The following BNC2 variants were observed in gnomAD, a reference collection of about 807,000 sequenced individuals.
The protein encoded by BNC2 is zinc finger protein basonuclin-2.
BNC2 carries 20 observed loss-of-function variants against 76.3 expected under a neutral mutation model. That is an observed-to-expected ratio of 0.26 (90% CI 0.18 to 0.38). The LOEUF (loss-of-function observed/expected upper bound fraction) is 0.38. Among genes scored for constraint, BNC2 ranks in the 10% least tolerant of loss-of-function variants. BNC2 has a pLI of 1.00. For synonymous variants in BNC2, 582 were observed against 514.8 expected (o/e 1.13, Z -1.77); for missense variants, 1,382 against 1,399.8 (o/e 0.99, Z 0.20).
chr9:16,631,535 G>C (rs1167447518), intron 3 of BNC2, among the ~76,000 whole-genome samples: 1 of 152,172 alleles, frequency 6.6e-6, no homozygotes, highest in African/African-American at 2.4e-5. Context: ...AAGGGACTTA[G>C]AATCACAGCC....
intron 1 of BNC2, among the ~76,000 whole-genome samples, chr9:16,784,349 A>C (rs1826225805): frequency 6.6e-6 from 1 of 152,180 alleles, no homozygotes; most frequent in South Asian, 2.1e-4. Context: ...ACCACTACTA[A>C]AAGTAAATAA....
chr9:16,586,514 T>G (rs1319426572), intron 3 of BNC2, among the ~76,000 whole-genome samples: 1 of 152,208 alleles, frequency 6.6e-6, no homozygotes, highest in Non-Finnish European at 1.5e-5. Flanking sequence ...CCTCCCAGAC[T>G]GTGATGCAGC....
At chr9:16,562,262 C>T (rs1252299079) in intron 4 of BNC2, among the ~76,000 whole-genome samples, 3 of 152,176 alleles carry the variant, frequency 2.0e-5, no homozygotes, top group African/African-American at 7.2e-5. Flanking sequence ...GGTCTCCCTC[C>T]TCGAACCCCA....
chr9:16,485,668 T>G (rs1822149175), intron 5 of BNC2, among the ~76,000 whole-genome samples: 1 of 151,970 alleles, frequency 6.6e-6, no homozygotes, highest in Non-Finnish European at 1.5e-5. Flanking sequence ...AAAAGATTTT[T>G]AAAAACAGAG....
chr9:16,731,166 G>A (rs959888277), intron 2 of BNC2, among the ~76,000 whole-genome samples: 1 of 152,040 alleles, frequency 6.6e-6, no homozygotes, highest in Non-Finnish European at 1.5e-5. Context: ...TTTTTCACTG[G>A]CTACATAGTC....
At chr9:16,475,222 T>C (rs1821903535) in intron 5 of BNC2, among the ~76,000 whole-genome samples, 1 of 152,222 alleles carries the variant, frequency 6.6e-6, no homozygotes, top group African/African-American at 2.4e-5. Flanking sequence ...GCCTATATAA[T>C]AGATGATCTT....
At chr9:16,732,640 G>C (rs1308482205) in intron 2 of BNC2, among the ~76,000 whole-genome samples, 2 of 152,186 alleles carry the variant, frequency 1.3e-5, no homozygotes, top group Non-Finnish European at 2.9e-5. Context: ...AATCTGTAAT[G>C]TGCTCTGCCT....
At position 16,419,400 on chromosome 9, in the gene BNC2, G is replaced by A. The variant is rs1274619453; in HGVS notation, c.2889C>T (p.Ser963=). The change falls in exon 7 of 7, where the codon AGC becomes AGT. Residue 963 remains serine (S), a synonymous_variant. Coordinates refer to ENST00000380672, the MANE Select transcript of BNC2 (RefSeq NM_017637.6). ...MAEDYMVLDL[S]TTSSLQSSSS... is the part of the protein sequence containing the mutation. ...TGCTGGACTGGAGGCTGGAGGTGGTGCTCAAGTCAAGGACCATGTAGTCCT... is the reference window on the plus strand; with the variant it reads ...TGCTGGACTGGAGGCTGGAGGTGGTACTCAAGTCAAGGACCATGTAGTCCT... 1 of 1,600,988 alleles carries A rather than the reference G, an allele frequency of 6.2e-7. No individual in the cohort carries two copies. The highest frequency in any genetic ancestry group is 8.5e-7 in the Non-Finnish European group (1 of 1,172,938).
At chr9:16,435,289 T>C (rs1223497505) in intron 6 of BNC2, among the ~76,000 whole-genome samples, 2 of 152,102 alleles carry the variant, frequency 1.3e-5, no homozygotes, top group African/African-American at 4.8e-5. Flanking sequence ...TGAAAACACA[T>C]ACACACACGT....
intron 3 of BNC2, among the ~76,000 whole-genome samples, chr9:16,653,213 C>T (rs1563881458): frequency 6.6e-6 from 1 of 152,042 alleles, no homozygotes; most frequent in Non-Finnish European, 1.5e-5. Flanking sequence ...TGTTAAACAA[C>T]TTTTAAAATA....
chr9:16,520,642 C>G (rs1488551056), intron 5 of BNC2, among the ~76,000 whole-genome samples: 1 of 151,982 alleles, frequency 6.6e-6, no homozygotes, highest in Admixed American at 6.6e-5. Context: ...CTCCTTTCAT[C>G]CCAGCAGCCC....
At chr9:16,722,927 C>A (rs890194774) in intron 3 of BNC2, among the ~76,000 whole-genome samples, 2 of 152,102 alleles carry the variant, frequency 1.3e-5, no homozygotes, top group African/African-American at 4.8e-5. Flanking sequence ...TGTATCTTAA[C>A]AAATACAAAT....
At chr9:16,791,930 C>G (rs1425401521) in intron 1 of BNC2, among the ~76,000 whole-genome samples, 1 of 152,038 alleles carries the variant, frequency 6.6e-6, no homozygotes, top group Non-Finnish European at 1.5e-5. Flanking sequence ...TGGCAAAACT[C>G]CATCTCTATC....
intron 3 of BNC2, among the ~76,000 whole-genome samples, chr9:16,632,648 A>G (rs1394946238): frequency 6.6e-6 from 1 of 152,224 alleles, no homozygotes; most frequent in Non-Finnish European, 1.5e-5. Flanking sequence ...TGCAGACAGC[A>G]TACACTTAGG....
intron 1 of BNC2, among the ~76,000 whole-genome samples, chr9:16,813,156 C>T (rs1563955070): frequency 6.6e-6 from 1 of 152,114 alleles, no homozygotes; most frequent in Admixed American, 6.5e-5. Context: ...TGAGATGGCG[C>T]CACTGCACTC....
chr9:16,528,018 A>G (rs1408999309), intron 5 of BNC2, among the ~76,000 whole-genome samples: 1 of 152,250 alleles, frequency 6.6e-6, no homozygotes, highest in Non-Finnish European at 1.5e-5. Context: ...CTTTAACAAC[A>G]GAACAGATGC....
intron 6 of BNC2, chr9:16,421,256 G>T: frequency 7.7e-7 from 1 of 1,299,946 alleles, no homozygotes; most frequent in Non-Finnish European, 1.0e-6. Context: ...GGAAGGCTGA[G>T]CTTACCTTGT....
At chr9:16,452,894 A>T (rs1306420332) in intron 5 of BNC2, among the ~76,000 whole-genome samples, 1 of 152,154 alleles carries the variant, frequency 6.6e-6, no homozygotes, top group African/African-American at 2.4e-5. Flanking sequence ...AACTCTAAGG[A>T]TGTCTTTAGG....
chr9:16,583,127 A>G (rs1300103943), intron 3 of BNC2, 42 bp from the exon 4 acceptor site: 2 of 1,475,038 alleles, frequency 1.4e-6, no homozygotes, highest in Non-Finnish European at 1.9e-6. Context: ...ATCTGTTCAA[A>G]GATACTATAC....
Sources: allele counts gnomAD v4.1 joint callset (sites outside exome capture counted in the v4.1 genomes callset), GRCh38; gene constraint gnomAD v4.1.1; transcripts MANE v1.5; gene names NCBI Gene and HGNC (gene_info 2026-07-23, HGNC 2026-07-21).